DGKZ: variants seen among roughly 807,000 people sequenced by gnomAD.
DGKZ encodes the protein DAG kinase zeta.
A neutral mutation model predicts 142.5 loss-of-function variants in DGKZ; 45 were observed. The observed-to-expected ratio is 0.32, with a 90% CI of 0.25 to 0.40. DGKZ has a LOEUF of 0.40. Among genes scored for constraint, DGKZ ranks in the 10% least tolerant of loss-of-function variants. The pLI is 1.00. For synonymous variants in DGKZ, 442 were observed against 527.0 expected (o/e 0.84, Z 2.21); for missense variants, 755 against 1,306.5 (o/e 0.58, Z 6.51).
rs143054842 is a variant in DGKZ, at chr11:46,351,443, G to A, written c.161+3623G>A. Among the ~76,000 whole-genome samples the A allele has an allele frequency of 7.5e-3, 1,148 of 152,308 alleles. 21 individuals carry two copies. Among genetic ancestry groups the A allele is most frequent in the African/African-American group, 0.027 (1,112 of 41,570 alleles). ...AGAGGCACTGCCACACGGCCCCAGC[G>A]AGCATGGCCCTGAAGTCAGGGCTGC... On this transcript the variant is annotated intron_variant, in intron 1 of 30. Transcript: ENST00000527911.
chr11:46,371,915 AT>A, intron 9 of DGKZ, 140 bp downstream of exon 9: 1 of 1,241,940 alleles, frequency 8.1e-7, no homozygotes, highest in Non-Finnish European at 1.2e-6. Flanking sequence ...GGAAGGCAGG[AT>A]TAGATGCCAG....
chr11:46,360,815 C>G (rs1432366179), intron 1 of DGKZ, among the ~76,000 whole-genome samples: 1 of 152,020 alleles, frequency 6.6e-6, no homozygotes, highest in African/African-American at 2.4e-5. Context: ...TTAAAGAGGT[C>G]TTGGGATCAG....
exon 8 of DGKZ, chr11:46,371,546 G>C: frequency 6.2e-7 from 1 of 1,610,848 alleles, no homozygotes; most frequent in Non-Finnish European, 8.5e-7. Context: ...GCTCGCTGGG[G>C]GTCCACGCAG....
intron 1 of DGKZ, among the ~76,000 whole-genome samples, chr11:46,334,093 G>T (rs924795736): frequency 6.9e-6 from 1 of 145,612 alleles, no homozygotes; most frequent in African/African-American, 2.6e-5. Context: ...AGAGTCTCTT[G>T]GCCTGCCACC....
intron 1 of DGKZ, among the ~76,000 whole-genome samples, chr11:46,334,692 T>A (rs1037163484): frequency 3.3e-5 from 5 of 152,148 alleles, no homozygotes; most frequent in African/African-American, 1.2e-4. Flanking sequence ...ATACTAGAAA[T>A]CGTGGGTACA....
chr11:46,374,363 G>A (rs781759922), intron 15 of DGKZ, 36 bp from the exon 16 acceptor site: 2 of 1,613,952 alleles, frequency 1.2e-6, no homozygotes, highest in Non-Finnish European at 1.7e-6. Flanking sequence ...GCAGGCTGGG[G>A]TGACTCACTG....
chr11:46,376,728 C>T (rs1944589808), intron 24 of DGKZ, 164 bp downstream of exon 24: 1 of 945,256 alleles, frequency 1.1e-6, no homozygotes, highest in Admixed American at 2.2e-5. Context: ...GCGGCCCTGC[C>T]CTCCACACTG....
chr11:46,370,049 C>T (rs537537385), intron 6 of DGKZ, 40 bp downstream of exon 6: 23 of 1,610,228 alleles, frequency 1.4e-5, no homozygotes, highest in African/African-American at 2.7e-5. Context: ...CCTGCACCTG[C>T]GGTCCTGAGC....
chr11:46,376,689 T>C (rs1490063687), intron 24 of DGKZ, 125 bp downstream of exon 24: 3 of 1,299,456 alleles, frequency 2.3e-6, no homozygotes, highest in Non-Finnish European at 3.3e-6. Flanking sequence ...CTGAGAGCTT[T>C]TACTATTGCC....
chr11:46,377,552 G>T, intron 25 of DGKZ: 1 of 360,120 alleles, frequency 2.8e-6, no homozygotes, highest in Non-Finnish European at 5.0e-6. Context: ...ATATCCCTGT[G>T]GCCATTCGTG....
chr11:46,368,791 T>C, intron 4 of DGKZ: 1 of 164,390 alleles, frequency 6.1e-6, no homozygotes, highest in Non-Finnish European at 1.3e-5. Context: ...TCATTTAAGG[T>C]GGAAATCGAC....
At chr11:46,373,494 TTTTG>T (rs1295632583) in intron 14 of DGKZ, among the ~76,000 whole-genome samples, 1 of 143,740 alleles carries the variant, frequency 7.0e-6, no homozygotes, top group East Asian at 2.0e-4. Context: ...TTGTTTTTTT[TTTTG>T]TTTTTGTTTT....
chr11:46,367,877 G>A lies in DGKZ; in HGVS notation c.367-125G>A, dbSNP rs965078954. ...CCGCCCCAGGATGGTGAGGGGTGCA[G>A]GGGCTTTGTCCGGATGCCAGGACTG... On this transcript the variant is annotated intron_variant, in intron 3 of 30. Coordinates refer to ENST00000527911, the Ensembl canonical transcript of DGKZ. This position sits in a 1 kb window ranked among gnomAD's most constrained non-coding sequence, Gnocchi z 4.1. 12 of 1,517,398 alleles carry A rather than the reference G, an allele frequency of 7.9e-6. No individual in the cohort carries two copies. The highest frequency in any genetic ancestry group is 1.1e-5 in the Non-Finnish European group (12 of 1,096,178). 94.0% of individuals were successfully genotyped at this position (1,517,398 alleles called of 1,614,324 possible).
At position 46,372,588 on chromosome 11, in the gene DGKZ, ACCC is replaced by A; in HGVS notation, c.1011-27_1011-25del. 2 of 1,613,666 alleles carry A rather than the reference ACCC, an allele frequency of 1.2e-6. No individual in the cohort carries two copies. The highest frequency in any genetic ancestry group is 1.7e-6 in the Non-Finnish European group (2 of 1,179,948). The stretch of plus-strand genomic sequence containing the variant: ...CCTGGGGTACAGCACACATCCCCTG[ACCC>A]CACTGCCATCTTCCCATGAGCCCAG... On this transcript the variant is annotated intron_variant, in intron 11 of 30. Transcript: ENST00000527911. This position sits in a 1 kb window ranked among gnomAD's most constrained non-coding sequence, Gnocchi z 5.9.
chr11:46,337,444 C>T (rs191152789), intron 1 of DGKZ, among the ~76,000 whole-genome samples: 5 of 151,974 alleles, frequency 3.3e-5, no homozygotes, highest in Admixed American at 2.0e-4. Context: ...TACAGGCGCC[C>T]ACCACCACGC....
chr11:46,347,795 C>T lies in DGKZ; in HGVS notation c.136C>T (p.Pro46Ser). The change falls in exon 1 of 31, where the codon CCG becomes TCG. Residue 46 changes from proline to serine, a missense_variant. By Grantham distance (74) the Pro-to-Ser change is moderately conservative. Around this residue, in one of 8 missense-constraint regions of DGKZ, gnomAD observed 28 missense variants for 92.8 expected, o/e 0.30. Transcript: ENST00000527911. This position sits in a 1 kb window ranked among gnomAD's most constrained non-coding sequence, Gnocchi z 6.4. ...GCGGCGACTCAACAAGCGGCGCTTC[C>T]CGGGGCTGCGGCTCTTCGGGCACAG... is the stretch of plus-strand genomic sequence containing the variant. 2.2e-6 allele frequency: 3 copies of T among 1,349,294 alleles called. No individual in the cohort carries two copies. Among genetic ancestry groups the T allele is most frequent in the South Asian group, 1.7e-5 (1 of 60,078 alleles). 83.6% of individuals were successfully genotyped at this position (1,349,294 alleles called of 1,614,324 possible).
At position 46,372,208 on chromosome 11, in the gene DGKZ, G is replaced by C; in HGVS notation, c.927+38G>C. 1.3e-6 allele frequency: 2 copies of C among 1,532,298 alleles called. No homozygotes were observed. Among genetic ancestry groups the C allele is most frequent in the Non-Finnish European group, 1.8e-6 (2 of 1,130,064 alleles). The allele number at this position is 1,532,298 out of a possible 1,614,324, so 94.9% of individuals were successfully genotyped here. ...TTGCCTCTCAGCTAAGGGCTCGGGCGGGGGTTGGGGTCCAGCCCGTCTGCC... is the reference window on the plus strand; with the variant it reads ...TTGCCTCTCAGCTAAGGGCTCGGGCCGGGGTTGGGGTCCAGCCCGTCTGCC... On this transcript the variant is annotated intron_variant, in intron 10 of 30. Coordinates refer to ENST00000527911, the Ensembl canonical transcript of DGKZ. This position sits in a 1 kb window ranked among gnomAD's most constrained non-coding sequence, Gnocchi z 5.9.
chr11:46,372,398 G>A lies in DGKZ; in HGVS notation c.928-30G>A. ...CTCCCACTTCGTCCCACCACTGCCT[G>A]ACTGTCTCTTGGCTCCCCATCCCAT... On this transcript the variant is annotated intron_variant, in intron 10 of 30. Coordinates refer to ENST00000527911, the Ensembl canonical transcript of DGKZ. The surrounding 1 kb of genome is among the most constrained non-coding windows in gnomAD (Gnocchi z 5.9). 6.2e-7 allele frequency: 1 copy of A among 1,612,076 alleles called. No homozygotes were observed. The highest frequency in any genetic ancestry group is 8.5e-7 in the Non-Finnish European group (1 of 1,178,344).
exon 9 of DGKZ, chr11:46,371,741 C>T: frequency 1.2e-6 from 2 of 1,613,800 alleles, no homozygotes; most frequent in Non-Finnish European, 1.7e-6. Flanking sequence ...AAGAGGGCAT[C>T]CTTCAAGAGG....
Sources: allele counts gnomAD v4.1 joint callset (sites outside exome capture counted in the v4.1 genomes callset), GRCh38; gene constraint gnomAD v4.1.1; regional missense constraint gnomAD v4.1.1; non-coding constraint Gnocchi (gnomAD v3.1); transcripts MANE v1.5; gene names NCBI Gene and HGNC (gene_info 2026-07-23, HGNC 2026-07-21).